INPP5A: variants seen among roughly 807,000 people sequenced by gnomAD.
INPP5A encodes 43 kDa inositol polyphosphate 5-phophatase.
A neutral mutation model predicts 65.2 loss-of-function variants in INPP5A; 14 were observed. The ratio of observed to expected loss-of-function variants is 0.21; its 90% CI spans 0.14 to 0.34. The LOEUF is 0.34. INPP5A is among the 10% of genes least tolerant of loss of function. The probability of loss-of-function intolerance (pLI) is 1.00; values close to 1 mark genes in which losing one functional copy is unlikely to be tolerated. For synonymous variants in INPP5A, 207 were observed against 208.3 expected (o/e 0.99, Z 0.05); for missense variants, 431 against 545.6 (o/e 0.79, Z 2.09).
At chr10:132,608,051 A>G (rs2071882949) in intron 2 of INPP5A, 95 bp downstream of exon 2, 8 of 1,146,006 alleles carry the variant, frequency 7.0e-6, no homozygotes, top group South Asian at 6.1e-5. Context: ...TGGTGTGTCT[A>G]TGGGGAGCGC....
rs978409725 is a variant in INPP5A, at chr10:132,616,125, C to A, written c.117+8169C>A. On this transcript the variant is annotated intron_variant, in intron 2 of 15. Coordinates refer to ENST00000368594, the MANE Select transcript of INPP5A (RefSeq NM_005539.5). This position sits in a 1 kb window ranked among gnomAD's most constrained non-coding sequence, Gnocchi z 4.9. ...CGTGAGGATGCCCATGGCCAGTGGA[C>A]ATGCCTTCCTCCTGTCCTTGCAGCC... Among the ~76,000 whole-genome samples the A allele has an allele frequency of 6.6e-6, 1 of 152,180 alleles. No individual in the cohort carries two copies.
At position 132,644,515 on chromosome 10, in the gene INPP5A, G is replaced by A. The variant is rs962525641; in HGVS notation, c.118-1353G>A. On this transcript the variant is annotated intron_variant, in intron 2 of 15. Transcript: ENST00000368594. This position sits in a 1 kb window ranked among gnomAD's most constrained non-coding sequence, Gnocchi z 6.5. ...CTCAGCTGCGCCCTGGACCGTGGCC[G>A]CTGGGCTCCTGGGAGGTGGGCCATG... Among the ~76,000 whole-genome samples the A allele has an allele frequency of 3.3e-5, 5 of 152,346 alleles. No homozygotes were observed. Among genetic ancestry groups the A allele is most frequent in the African/African-American group, 7.2e-5 (3 of 41,582 alleles).
chr10:132,711,184 C>T (rs1845630828), intron 8 of INPP5A, among the ~76,000 whole-genome samples: 2 of 152,174 alleles, frequency 1.3e-5, no homozygotes, highest in Admixed American at 1.3e-4. Context: ...GCCACCTCCA[C>T]CTGCGCCTGG....
At chr10:132,649,765 G>A (rs1211553995) in intron 3 of INPP5A, among the ~76,000 whole-genome samples, 1 of 152,216 alleles carries the variant, frequency 6.6e-6, no homozygotes, top group Admixed American at 6.5e-5. Flanking sequence ...CCGTTCATGG[G>A]CTCCAGGGGT....
intron 6 of INPP5A, among the ~76,000 whole-genome samples, chr10:132,703,102 CCTGA>C (rs1203011955): frequency 1.3e-5 from 2 of 152,150 alleles, no homozygotes; most frequent in East Asian, 1.9e-4. Context: ...AGGAGCTGGT[CCTGA>C]CTGTCTCACA....
In INPP5A at chr10:132,727,100, G is replaced by A. The variant is rs1177940929; in HGVS notation, c.732+195G>A. 2.3e-5 allele frequency: 10 copies of A among 438,060 alleles called. No individual in the cohort carries two copies. Among genetic ancestry groups the A allele is most frequent in the East Asian group, 7.2e-5 (2 of 27,614 alleles). 27.1% of individuals were successfully genotyped at this position (438,060 alleles called of 1,614,324 possible). On this transcript the variant is annotated intron_variant, in intron 9 of 15. Coordinates refer to ENST00000368594, the MANE Select transcript of INPP5A (RefSeq NM_005539.5). This position sits in a 1 kb window ranked among gnomAD's most constrained non-coding sequence, Gnocchi z 6.5. ...GGATCCGTGTTGGAATCCGGGGTGC[G>A]CGGGCCCTCAAGGTTGCCCCGGATG...
chr10:132,689,307 G>T (rs1246476725), intron 4 of INPP5A, among the ~76,000 whole-genome samples: 2 of 152,292 alleles, frequency 1.3e-5, no homozygotes, highest in South Asian at 2.1e-4. Flanking sequence ...CCTGCAGGCA[G>T]CCCCTGCCCT....
In INPP5A at chr10:132,782,402, C is replaced by T; in HGVS notation, c.*373C>T. 1 of 299,940 alleles carries T rather than the reference C, an allele frequency of 3.3e-6. No individual in the cohort carries two copies. Among genetic ancestry groups the T allele is most frequent in the South Asian group, 3.0e-5 (1 of 33,412 alleles). 18.6% of individuals were successfully genotyped at this position (299,940 alleles called of 1,614,324 possible). A position where few individuals can be genotyped will look rare whatever the true frequency, so the allele number is the denominator to read the frequency against. On this transcript the variant is annotated 3_prime_UTR_variant, in exon 16 of 16. Transcript: ENST00000368594. The surrounding 1 kb of genome is among the most constrained non-coding windows in gnomAD (Gnocchi z 4.4). Reference sequence around the variant, plus strand: ...CAGCACAGAGACCCCCCACTGTGTCCAGGGACCCCCTCTGCCAGGTGGAGG... The same window carrying T: ...CAGCACAGAGACCCCCCACTGTGTCTAGGGACCCCCTCTGCCAGGTGGAGG...
chr10:132,608,443 G>A (rs1026330951), intron 2 of INPP5A, among the ~76,000 whole-genome samples: 1 of 152,256 alleles, frequency 6.6e-6, no homozygotes, highest in Non-Finnish European at 1.5e-5. Flanking sequence ...CTAATATGGG[G>A]CCGGTGTTTA....
chr10:132,539,992 T>C (rs1468291403), intron 1 of INPP5A, among the ~76,000 whole-genome samples: 2 of 152,252 alleles, frequency 1.3e-5, no homozygotes, highest in Non-Finnish European at 2.9e-5. Context: ...CATCTAGGTT[T>C]ATGTTTGATC....
intron 1 of INPP5A, among the ~76,000 whole-genome samples, chr10:132,562,140 C>T (rs1247760448): frequency 6.6e-6 from 1 of 152,274 alleles, no homozygotes; most frequent in Non-Finnish European, 1.5e-5. Context: ...CACTGTGCAC[C>T]GTGAGGCTCA....
At position 132,643,882 on chromosome 10, in the gene INPP5A, G is replaced by A. The variant is rs545293041; in HGVS notation, c.118-1986G>A. Among the ~76,000 whole-genome samples the A allele has an allele frequency of 5.3e-5, 8 of 152,252 alleles. No individual in the cohort carries two copies. The South Asian group carries it at 1.4e-3, about 28-fold the overall frequency. On this transcript the variant is annotated intron_variant, in intron 2 of 15. Transcript: ENST00000368594. ...ACTCACAGGGGGTCGTGGAGGCTCC[G>A]GAGCTTGGTGACCCCGTGGTGTCCT...
chr10:132,780,016 C>A (rs1199835464), intron 13 of INPP5A, among the ~76,000 whole-genome samples: 2 of 152,280 alleles, frequency 1.3e-5, no homozygotes, highest in Non-Finnish European at 1.5e-5. Context: ...TTCTCCACTT[C>A]TGCGGAGGCG....
In INPP5A at chr10:132,772,733, CACGAAGA is replaced by C. The variant is rs1310383728; in HGVS notation, c.978-4937_978-4931del. ...GACACGGAGGCCACGGCAGCCGCCC[CACGAAGA>C]GTGGGACGGACACTCAGCACTGACA... On this transcript the variant is annotated intron_variant, in intron 12 of 15. Coordinates refer to ENST00000368594, the MANE Select transcript of INPP5A (RefSeq NM_005539.5). Among the ~76,000 whole-genome samples the C allele has an allele frequency of 1.2e-3, 19 of 15,628 alleles. 9 individuals are homozygous for C. Among genetic ancestry groups the C allele is most frequent in the Non-Finnish European group, 2.3e-3 (19 of 8,306 alleles). 10.3% of individuals were successfully genotyped at this position (15,628 alleles called of 152,430 possible).
intron 1 of INPP5A, among the ~76,000 whole-genome samples, chr10:132,597,367 C>T (rs2071717372): frequency 6.6e-6 from 1 of 152,212 alleles, no homozygotes; most frequent in Non-Finnish European, 1.5e-5. Context: ...CTCGGGCCAT[C>T]TCCCCTGTTC....
intron 8 of INPP5A, among the ~76,000 whole-genome samples, chr10:132,719,024 G>T (rs1845805120): frequency 6.8e-6 from 1 of 147,200 alleles, no homozygotes; most frequent in Admixed American, 6.8e-5. Flanking sequence ...CTGTCTTGCG[G>T]GTTCTGTGGT....
chr10:132,547,602 C>T lies in INPP5A; in HGVS notation c.75+9431C>T, dbSNP rs2070995061. ...GTCGCCCTGGGCTGACCTCCCATCT[C>T]CTCCTTCTCTACCCAAGCGCCCGTG... is the stretch of plus-strand genomic sequence containing the variant. On this transcript the variant is annotated intron_variant, in intron 1 of 15. Transcript: ENST00000368594. The surrounding 1 kb of genome is among the most constrained non-coding windows in gnomAD (Gnocchi z 5.5). 2.6e-5 allele frequency among the ~76,000 whole-genome samples: 4 copies of T among 152,140 alleles called. No individual in the cohort carries two copies. Among genetic ancestry groups the T allele is most frequent in the Admixed American group, 2.6e-4 (4 of 15,290 alleles).
chr10:132,729,036 T>G (rs543779876), intron 9 of INPP5A, among the ~76,000 whole-genome samples: 3,161 of 143,752 alleles, frequency 0.022, 51 homozygotes, highest in South Asian at 0.051. Context: ...GGGCCTGGAC[T>G]CCAGGGCCTG....
rs2072465547 is a variant in INPP5A, at chr10:132,644,343, A to G, written c.118-1525A>G. Among the ~76,000 whole-genome samples the G allele has an allele frequency of 6.6e-6, 1 of 152,182 alleles. No individual in the cohort carries two copies. Among genetic ancestry groups the G allele is most frequent in the Admixed American group, 6.5e-5 (1 of 15,286 alleles). The stretch of plus-strand genomic sequence containing the variant: ...CCTGCAGCACAGACGGAGCCTGTGC[A>G]CGGGGCCTGGTCAGAGCTGTTTCTG... On this transcript the variant is annotated intron_variant, in intron 2 of 15. Transcript: ENST00000368594. This position sits in a 1 kb window ranked among gnomAD's most constrained non-coding sequence, Gnocchi z 6.5.
Sources: gnomAD v4.1 joint callset for allele counts (sites outside exome capture counted in the v4.1 genomes callset) on GRCh38, gnomAD v4.1.1 for gene constraint, Gnocchi (gnomAD v3.1) non-coding constraint, MANE v1.5 for transcripts, NCBI Gene and HGNC (gene_info 2026-07-23, HGNC 2026-07-21) for gene names.